PTPRG: variants seen among roughly 807,000 people sequenced by gnomAD.
The protein encoded by PTPRG is receptor-type tyrosine-protein phosphatase gamma.
Under a neutral mutation model 165.3 loss-of-function variants are expected in PTPRG, and 102 were observed. The ratio of observed to expected loss-of-function variants is 0.62; its 90% confidence interval spans 0.53 to 0.73. The LOEUF is 0.73. Ranked by LOEUF, PTPRG falls within the 30% of genes least tolerant of loss-of-function variation. The pLI is 0.00. For missense variants in PTPRG, 1,866 were observed against 1,861.4 expected (o/e 1.00, Z -0.05); for synonymous variants, 675 against 669.5 (o/e 1.01, Z -0.13).
chr3:61,742,717 G>A, intron 1 of PTPRG: 2 of 1,608,330 alleles, frequency 1.2e-6, no homozygotes, highest in South Asian at 1.1e-5. Flanking sequence ...GAACTTTCCT[G>A]CCTTATTTAG....
chr3:61,993,721 G>A (rs1033479895), intron 3 of PTPRG, among the ~76,000 whole-genome samples: 34 of 152,192 alleles, frequency 2.2e-4, no homozygotes, highest in African/African-American at 8.2e-4. Context: ...ATACCTAAAA[G>A]TATTTTAGAG....
At chr3:61,909,462 A>C (rs1296883107) in intron 2 of PTPRG, among the ~76,000 whole-genome samples, 1 of 152,068 alleles carries the variant, frequency 6.6e-6, no homozygotes, top group African/African-American at 2.4e-5. Context: ...CAATCCTCCC[A>C]CGTCAGTCCC....
At chr3:61,651,252 G>C (rs1399661577) in intron 1 of PTPRG, among the ~76,000 whole-genome samples, 1 of 151,816 alleles carries the variant, frequency 6.6e-6, no homozygotes, top group Non-Finnish European at 1.5e-5. Flanking sequence ...GTAGGGTTTA[G>C]TTGATTAAGT....
At position 61,694,008 on chromosome 3, in the gene PTPRG, CAA is replaced by C. The variant is rs1163062978; in HGVS notation, c.86-54853_86-54852del. 8.7e-4 allele frequency among the ~76,000 whole-genome samples: 57 copies of C among 65,472 alleles called. 2 individuals are homozygous for C. The highest frequency in any genetic ancestry group is 5.6e-3 in the South Asian group (11 of 1,972). The allele number at this position is 65,472 out of a possible 152,430, so 43.0% of individuals were successfully genotyped here. On this transcript the variant is annotated intron_variant, in intron 1 of 29. Transcript: ENST00000474889. ...GGGTGACACAGTGAGACTCCATCTCCAAAAAAAAAAAAAAAAAAGAGAGAGAG... is the reference window on the plus strand; with the variant it reads ...GGGTGACACAGTGAGACTCCATCTCCAAAAAAAAAAAAAAAAGAGAGAGAG...
chr3:62,124,765 C>G (rs1187499328), intron 5 of PTPRG, among the ~76,000 whole-genome samples: 3 of 152,182 alleles, frequency 2.0e-5, no homozygotes, highest in African/African-American at 7.2e-5. Context: ...GTTGTGTTGC[C>G]CAGGCTGGTC....
At chr3:61,680,513 AAAAAAC>A in intron 1 of PTPRG, among the ~76,000 whole-genome samples, 1 of 146,088 alleles carries the variant, frequency 6.8e-6, no homozygotes, top group Non-Finnish European at 1.5e-5. Flanking sequence ...AAAAAAAAAA[AAAAAAC>A]ACAAAAAAAC....
rs1703042657 is a variant in PTPRG, at chr3:62,295,808, G to C, written c.*2501G>C. 1 of 152,036 alleles carries C rather than the reference G, an allele frequency of 6.6e-6. No homozygotes were observed. Among genetic ancestry groups the C allele is most frequent in the Non-Finnish European group, 1.5e-5 (1 of 67,986 alleles). 9.4% of individuals were successfully genotyped at this position (152,036 alleles called of 1,614,324 possible). On this transcript the variant is annotated 3_prime_UTR_variant, in exon 30 of 30. Coordinates refer to ENST00000474889, the MANE Select transcript of PTPRG (RefSeq NM_002841.4). Reference sequence around the variant, plus strand: ...TTAGCAGGTCCTCACCCCTGCAAGAGACAGCATATCCTCACTATTATTATT... The same window carrying C: ...TTAGCAGGTCCTCACCCCTGCAAGACACAGCATATCCTCACTATTATTATT...
intron 3 of PTPRG, among the ~76,000 whole-genome samples, chr3:61,992,331 G>T (rs1241030341): frequency 6.6e-6 from 1 of 151,538 alleles, no homozygotes; most frequent in African/African-American, 2.4e-5. Flanking sequence ...GTATTGTTTT[G>T]TTTTAACACT....
At chr3:61,593,738 A>G (rs1202319108) in intron 1 of PTPRG, among the ~76,000 whole-genome samples, 1 of 151,912 alleles carries the variant, frequency 6.6e-6, no homozygotes, top group East Asian at 1.9e-4. Flanking sequence ...AAAAAGCCAG[A>G]AAAACTCTTC....
At chr3:61,714,027 A>G (rs942310329) in intron 1 of PTPRG, among the ~76,000 whole-genome samples, 3 of 152,242 alleles carry the variant, frequency 2.0e-5, no homozygotes, top group African/African-American at 7.2e-5. Context: ...TAATATCCAA[A>G]TGAGAGATTT....
chr3:61,573,501 A>G lies in PTPRG; in HGVS notation c.85+11129A>G, dbSNP rs184498206. On this transcript the variant is annotated intron_variant, in intron 1 of 29. Coordinates refer to ENST00000474889, the MANE Select transcript of PTPRG (RefSeq NM_002841.4). Reference sequence around the variant, plus strand: ...AGTGGCTAGCTTTTGACTATTACAGATGGAAGATTTGAGGGGATGATTCCT... The same window carrying G: ...AGTGGCTAGCTTTTGACTATTACAGGTGGAAGATTTGAGGGGATGATTCCT... 9.8e-5 allele frequency among the ~76,000 whole-genome samples: 15 copies of G among 152,334 alleles called. No homozygotes were observed. The East Asian group carries it at 2.9e-3, about 29-fold the overall frequency.
intron 5 of PTPRG, among the ~76,000 whole-genome samples, chr3:62,096,632 C>T (rs570684876): frequency 6.6e-6 from 1 of 152,220 alleles, no homozygotes; most frequent in South Asian, 2.1e-4. Flanking sequence ...TATTGTAAAA[C>T]CTGTAAATCC....
chr3:61,701,590 T>C (rs745391037), intron 1 of PTPRG, among the ~76,000 whole-genome samples: 4 of 152,210 alleles, frequency 2.6e-5, no homozygotes, highest in Non-Finnish European at 5.9e-5. Flanking sequence ...ATTGTTATAA[T>C]AATGATGGTG....
chr3:61,751,717 G>A (rs1353976210), intron 2 of PTPRG, among the ~76,000 whole-genome samples: 5 of 152,162 alleles, frequency 3.3e-5, no homozygotes, highest in Non-Finnish European at 7.3e-5. Flanking sequence ...TAGGCCGGGC[G>A]CAGTGGCTCA....
At chr3:62,204,075 TGTCA>T (rs1700164979) in intron 12 of PTPRG, 125 bp downstream of exon 12, 1 of 1,412,208 alleles carries the variant, frequency 7.1e-7, no homozygotes, top group African/African-American at 1.4e-5. Context: ...CATATATGTC[TGTCA>T]TAGAAAAGGT....
At chr3:62,089,458 A>T (rs1426966911) in intron 5 of PTPRG, among the ~76,000 whole-genome samples, 1 of 152,206 alleles carries the variant, frequency 6.6e-6, no homozygotes, top group Non-Finnish European at 1.5e-5. Flanking sequence ...TTTGTAAAGG[A>T]TTAGGAAACG....
At chr3:62,021,764 C>T (rs1414903039) in intron 4 of PTPRG, among the ~76,000 whole-genome samples, 1 of 151,784 alleles carries the variant, frequency 6.6e-6, no homozygotes, top group African/African-American at 2.4e-5. Flanking sequence ...GACTTTCTCT[C>T]ACCAGAATGC....
At chr3:61,624,144 G>T (rs534837371) in intron 1 of PTPRG, among the ~76,000 whole-genome samples, 1 of 152,188 alleles carries the variant, frequency 6.6e-6, no homozygotes, top group East Asian at 1.9e-4. Context: ...GTGGTCCCCT[G>T]TCCCAGTATG....
chr3:62,044,806 A>G (rs1469462396), intron 4 of PTPRG, among the ~76,000 whole-genome samples: 1 of 152,154 alleles, frequency 6.6e-6, no homozygotes, highest in Admixed American at 6.5e-5. Flanking sequence ...ACCCATTGGA[A>G]TTAATTACCC....
Sources: gnomAD v4.1 joint callset for allele counts (sites outside exome capture counted in the v4.1 genomes callset) on GRCh38, gnomAD v4.1.1 for gene constraint, MANE v1.5 for transcripts, NCBI Gene and HGNC (gene_info 2026-07-23, HGNC 2026-07-21) for gene names.